Variants in DLG2 observed in about 807,000 individuals in gnomAD.
The protein encoded by DLG2 is discs large MAGUK scaffold protein 2.
DLG2 carries 45 observed loss-of-function variants against 132.5 expected under a neutral mutation model. That is an observed-to-expected ratio of 0.34 (90% CI 0.27 to 0.44). The LOEUF is 0.44. Ranked by LOEUF, DLG2 falls within the 20% of genes least tolerant of loss-of-function variation. The probability of loss-of-function intolerance (pLI) is 1.00; values close to 1 mark genes in which losing one functional copy is unlikely to be tolerated. For synonymous variants in DLG2, 424 were observed against 419.6 expected (o/e 1.01, Z -0.13); for missense variants, 1,045 against 1,196.9 (o/e 0.87, Z 1.87).
intron 8 of DLG2, among the ~76,000 whole-genome samples, chr11:84,180,785 G>T (rs1303856631): frequency 6.6e-6 from 1 of 151,988 alleles, no homozygotes; most frequent in African/African-American, 2.4e-5. Context: ...TATTGAAAGT[G>T]TGGGGAGAAA....
intron 3 of DLG2, among the ~76,000 whole-genome samples, chr11:85,407,188 A>T (rs750437831): frequency 1.3e-5 from 2 of 151,924 alleles, no homozygotes; most frequent in East Asian, 3.9e-4. Context: ...TCAGGCCATT[A>T]TAAGAACTCT....
chr11:83,534,623 A>C (rs1455924745), intron 20 of DLG2, among the ~76,000 whole-genome samples: 1 of 152,150 alleles, frequency 6.6e-6, no homozygotes, highest in Non-Finnish European at 1.5e-5. Flanking sequence ...AAATTTTTCA[A>C]CTCTAACGTA....
intron 3 of DLG2, among the ~76,000 whole-genome samples, chr11:85,378,471 T>G (rs1022777246): frequency 2.6e-5 from 4 of 152,154 alleles, no homozygotes; most frequent in African/African-American, 9.7e-5. Flanking sequence ...ATACCTATTT[T>G]CTAGTTACCA....
intron 3 of DLG2, among the ~76,000 whole-genome samples, chr11:85,358,777 T>A (rs2083928759): frequency 6.6e-6 from 1 of 152,222 alleles, no homozygotes; most frequent in Admixed American, 6.5e-5. Context: ...AAATAATTGC[T>A]TATTGAATGT....
chr11:84,017,710 T>G (rs2095255798), intron 11 of DLG2, among the ~76,000 whole-genome samples: 1 of 152,082 alleles, frequency 6.6e-6, no homozygotes, highest in South Asian at 2.1e-4. Flanking sequence ...AAGAAAAGGA[T>G]GCCATATTCA....
chr11:83,982,701 T>C (rs1251296902), intron 11 of DLG2, among the ~76,000 whole-genome samples: 2 of 152,102 alleles, frequency 1.3e-5, no homozygotes, highest in Admixed American at 1.3e-4. Context: ...AAGTCTACAG[T>C]AGTGTACAAT....
intron 6 of DLG2, among the ~76,000 whole-genome samples, chr11:84,831,892 A>G (rs892704589): frequency 1.3e-5 from 2 of 151,696 alleles, no homozygotes; most frequent in African/African-American, 2.4e-5. Flanking sequence ...CTGCTCTCAG[A>G]GGGCTTGCAA....
At chr11:83,474,232 A>G (rs1375372410) in intron 22 of DLG2, among the ~76,000 whole-genome samples, 1 of 152,128 alleles carries the variant, frequency 6.6e-6, no homozygotes, top group East Asian at 1.9e-4. Flanking sequence ...ACTCAGGAAA[A>G]GAATGATTCC....
intron 18 of DLG2, among the ~76,000 whole-genome samples, chr11:83,754,679 C>T (rs2093577549): frequency 6.6e-6 from 1 of 151,208 alleles, no homozygotes. Flanking sequence ...AAGAGCCTTA[C>T]TTGTGATTGC....
chr11:85,089,803 G>T (rs1458590620), intron 6 of DLG2, among the ~76,000 whole-genome samples: 1 of 152,050 alleles, frequency 6.6e-6, no homozygotes, highest in Non-Finnish European at 1.5e-5. Context: ...TACACAAGCG[G>T]CCAACAAAAA....
intron 3 of DLG2, among the ~76,000 whole-genome samples, chr11:85,410,598 A>G (rs2089224155): frequency 6.6e-6 from 1 of 151,864 alleles, no homozygotes; most frequent in African/African-American, 2.4e-5. Flanking sequence ...GAAAATATGA[A>G]CAACTGTATA....
intron 4 of DLG2, among the ~76,000 whole-genome samples, chr11:85,232,207 A>T (rs967587402): frequency 6.6e-6 from 1 of 151,962 alleles, no homozygotes; most frequent in Admixed American, 6.6e-5. Context: ...TTTAATGCCC[A>T]AAAACAGTTG....
intron 6 of DLG2, among the ~76,000 whole-genome samples, chr11:85,078,760 T>C (rs535987007): frequency 2.0e-5 from 3 of 152,190 alleles, no homozygotes; most frequent in Admixed American, 2.0e-4. Flanking sequence ...TAGGTTAAGA[T>C]GAGAACTGAG....
chr11:83,991,854 T>A (rs1054406768), intron 11 of DLG2, among the ~76,000 whole-genome samples: 1 of 152,160 alleles, frequency 6.6e-6, no homozygotes, highest in Non-Finnish European at 1.5e-5. Context: ...GTAATTAACC[T>A]TATTTGGAAA....
intron 6 of DLG2, among the ~76,000 whole-genome samples, chr11:84,566,093 G>C (rs1030865967): frequency 6.6e-6 from 1 of 151,508 alleles, no homozygotes; most frequent in African/African-American, 2.4e-5. Flanking sequence ...GGAGTAGCTG[G>C]GACTAAAGCA....
intron 6 of DLG2, among the ~76,000 whole-genome samples, chr11:84,662,418 GCC>G (rs2099695402): frequency 6.6e-6 from 1 of 151,762 alleles, no homozygotes. Flanking sequence ...CAGGTGATCG[GCC>G]CACCTCAGCC....
chr11:83,988,372 C>T (rs190391372), intron 11 of DLG2, among the ~76,000 whole-genome samples: 68 of 152,074 alleles, frequency 4.5e-4, no homozygotes, highest in East Asian at 3.9e-4. Flanking sequence ...ATGCCTTCAG[C>T]TTTGTTCTTT....
intron 20 of DLG2, among the ~76,000 whole-genome samples, chr11:83,541,233 T>C (rs996886697): frequency 1.3e-5 from 2 of 152,172 alleles, no homozygotes; most frequent in Non-Finnish European, 2.9e-5. Flanking sequence ...CATTTTTTTC[T>C]ACTAATATTT....
At chr11:83,994,636 T>A (rs2093925663) in intron 11 of DLG2, among the ~76,000 whole-genome samples, 1 of 152,138 alleles carries the variant, frequency 6.6e-6, no homozygotes, top group Non-Finnish European at 1.5e-5. Context: ...GGGATCGGGG[T>A]AAAATAATGC....
Sources: allele counts gnomAD v4.1 joint callset (sites outside exome capture counted in the v4.1 genomes callset), GRCh38; gene constraint gnomAD v4.1.1; transcripts MANE v1.5; gene names NCBI Gene and HGNC (gene_info 2026-07-23, HGNC 2026-07-21).